Variants in RPRD2 observed in about 807,000 individuals in gnomAD.
RPRD2 encodes the protein regulation of nuclear pre-mRNA domain containing 2, also known as regulation of nuclear pre-mRNA domain-containing protein 2.
In RPRD2, 12 loss-of-function variants were observed where a neutral mutation model predicts 104.4. That is an observed-to-expected ratio of 0.11 (90% CI 0.07 to 0.19). The LOEUF (loss-of-function observed/expected upper bound fraction) is 0.19, where lower values mean the gene tolerates loss of function less well. RPRD2 is among the 10% of genes least tolerant of loss of function. The probability of loss-of-function intolerance (pLI) is 1.00; values close to 1 mark genes in which losing one functional copy is unlikely to be tolerated. For missense variants in RPRD2, 1,543 were observed against 1,790.1 expected (o/e 0.86, Z 2.49); for synonymous variants, 714 against 684.9 (o/e 1.04, Z -0.66).
At chr1:150,369,358 C>T (rs910744020) in intron 1 of RPRD2, among the ~76,000 whole-genome samples, 4 of 151,142 alleles carry the variant, frequency 2.6e-5, no homozygotes, top group African/African-American at 7.3e-5. Flanking sequence ...TCTCCGCTCA[C>T]TGCAACCTCC....
chr1:150,423,012 G>A (rs1553890004), intron 2 of RPRD2, among the ~76,000 whole-genome samples: 2 of 152,108 alleles, frequency 1.3e-5, no homozygotes, highest in Non-Finnish European at 2.9e-5. Flanking sequence ...TCCATGGGCT[G>A]GAAACCTGGA....
At chr1:150,441,225 G>T in intron 3 of RPRD2, 1 of 447,474 alleles carries the variant, frequency 2.2e-6, no homozygotes, top group South Asian at 3.8e-5. Context: ...GATGGGGTCG[G>T]ATTTTGTTTT....
In RPRD2 at chr1:150,364,561, C is replaced by G; in HGVS notation, c.-154C>G. The G allele has an allele frequency of 1.7e-6, 1 of 588,938 alleles. No homozygotes were observed. The highest frequency in any genetic ancestry group is 1.9e-5 in the African/African-American group (1 of 53,100). The allele number at this position is 588,938 out of a possible 1,614,324, so 36.5% of individuals were successfully genotyped here. ...CAGCAGCTGGTGTTCCCGTCCGTAC[C>G]TCCAGAAGAGCCCAGCGCGTGCACC... On this transcript the variant is annotated 5_prime_UTR_variant, in exon 1 of 11. Transcript: ENST00000369068.
chr1:150,447,542 C>G (rs1553895794), intron 7 of RPRD2, among the ~76,000 whole-genome samples: 1 of 151,606 alleles, frequency 6.6e-6, no homozygotes, highest in Non-Finnish European at 1.5e-5. Context: ...CCATGTTGGT[C>G]AGGCTGGTCT....
chr1:150,423,980 C>T (rs1223614132), intron 2 of RPRD2, among the ~76,000 whole-genome samples: 1 of 151,888 alleles, frequency 6.6e-6, no homozygotes, highest in East Asian at 2.0e-4. Context: ...TCAGTAGAGA[C>T]GGGGTTTCTC....
At chr1:150,414,063 C>A (rs1455767788) in intron 1 of RPRD2, among the ~76,000 whole-genome samples, 1 of 151,976 alleles carries the variant, frequency 6.6e-6, no homozygotes, top group African/African-American at 2.4e-5. Context: ...TGCATTCCAG[C>A]CTGGGTGACA....
intron 1 of RPRD2, among the ~76,000 whole-genome samples, chr1:150,406,666 T>C (rs940065174): frequency 2.0e-5 from 3 of 152,208 alleles, no homozygotes; most frequent in Non-Finnish European, 4.4e-5. Flanking sequence ...CCAAAAGTGC[T>C]GGTATTACAG....
At chr1:150,426,816 C>T (rs750983049) in intron 2 of RPRD2, among the ~76,000 whole-genome samples, 7 of 152,074 alleles carry the variant, frequency 4.6e-5, no homozygotes, top group East Asian at 1.9e-4. Context: ...TTGCACAATA[C>T]GAATGTACTT....
In RPRD2 at chr1:150,457,190, C is replaced by T. The variant is rs918843762; in HGVS notation, c.871-98C>T. On this transcript the variant is annotated intron_variant, in intron 7 of 10. Coordinates refer to ENST00000369068, the MANE Select transcript of RPRD2 (RefSeq NM_015203.5). The stretch of plus-strand genomic sequence containing the variant: ...AGTGAACCAAGATTGTGCCACTACA[C>T]TCTAGCCTGGGTGACAAAGTGAGAC... The T allele has an allele frequency of 1.5e-5, 18 of 1,197,502 alleles. No homozygotes were observed. In the Admixed American group the frequency reaches 2.8e-4, roughly 19 times the overall value. 74.2% of individuals were successfully genotyped at this position (1,197,502 alleles called of 1,614,324 possible).
intron 1 of RPRD2, among the ~76,000 whole-genome samples, chr1:150,393,454 C>CAAAAAAA (rs1203478537): frequency 5.0e-5 from 3 of 59,536 alleles, no homozygotes; most frequent in South Asian, 6.6e-4. Flanking sequence ...GACCCTGTCT[C>CAAAAAAA]AAAAAAAAAA....
At chr1:150,369,984 G>A (rs781998474) in intron 1 of RPRD2, among the ~76,000 whole-genome samples, 2 of 150,634 alleles carry the variant, frequency 1.3e-5, no homozygotes, top group Non-Finnish European at 1.5e-5. Flanking sequence ...GTTTCACCAT[G>A]TTGGCCAGAC....
chr1:150,448,219 G>A (rs932789727), intron 7 of RPRD2, among the ~76,000 whole-genome samples: 3 of 152,074 alleles, frequency 2.0e-5, no homozygotes, highest in African/African-American at 7.2e-5. Context: ...CCAGGCTGGA[G>A]TGCAGTGGCG....
Position 150,436,105 on chromosome 1 carries a change from A to T in RPRD2, c.336-4818A>T, listed in dbSNP as rs76731114. Among the ~76,000 whole-genome samples the T allele has an allele frequency of 8.7e-4, 132 of 151,832 alleles. 5 individuals carry two copies. In the East Asian group the frequency reaches 0.024, roughly 27 times the overall value. ...TGGTTTGCTGAATATTTCAAGCCCA[A>T]TGTTGAGACCTGCTCTTGTTCAGGG... is the stretch of plus-strand genomic sequence containing the variant. On this transcript the variant is annotated intron_variant, in intron 2 of 10. Transcript: ENST00000369068.
At chr1:150,411,710 G>C (rs1553887663) in intron 1 of RPRD2, among the ~76,000 whole-genome samples, 1 of 121,780 alleles carries the variant, frequency 8.2e-6, no homozygotes, top group Non-Finnish European at 1.6e-5. Flanking sequence ...AGAATTGCTT[G>C]AACCTGGGAG....
intron 1 of RPRD2, chr1:150,409,074 T>G (rs1553887193): frequency 6.6e-6 from 1 of 152,204 alleles, no homozygotes; most frequent in Non-Finnish European, 1.5e-5. Context: ...AAGTTAAAAA[T>G]TATCTAACCC....
At chr1:150,379,128 C>A (rs939911324) in intron 1 of RPRD2, among the ~76,000 whole-genome samples, 1 of 139,666 alleles carries the variant, frequency 7.2e-6, no homozygotes, top group Non-Finnish European at 1.6e-5. Context: ...TAAAAAAAAA[C>A]AAAAATTAGA....
intron 2 of RPRD2, among the ~76,000 whole-genome samples, chr1:150,436,417 C>T (rs1665994128): frequency 6.6e-6 from 1 of 151,064 alleles, no homozygotes; most frequent in Non-Finnish European, 1.5e-5. Flanking sequence ...CTGGCTAACA[C>T]CGTGAAACCC....
chr1:150,428,045 G>T (rs1300267277), intron 2 of RPRD2, among the ~76,000 whole-genome samples: 1 of 152,046 alleles, frequency 6.6e-6, no homozygotes, highest in Non-Finnish European at 1.5e-5. Flanking sequence ...TTAAACTTCT[G>T]CATTACAAAA....
chr1:150,404,781 T>A lies in RPRD2; in HGVS notation c.206-12815T>A, dbSNP rs146373096. 2.0e-3 allele frequency among the ~76,000 whole-genome samples: 312 copies of A among 152,268 alleles called. 2 individuals carry two copies. The highest frequency in any genetic ancestry group is 6.8e-3 in the African/African-American group (283 of 41,558). On this transcript the variant is annotated intron_variant, in intron 1 of 10. Coordinates refer to ENST00000369068, the MANE Select transcript of RPRD2 (RefSeq NM_015203.5). ...CACTGTGCCCGGCCTCGTCACATAT[T>A]TTTTAAAAATCTGTATAACTTACAT... is the stretch of plus-strand genomic sequence containing the variant.
Sources: allele counts gnomAD v4.1 joint callset (sites outside exome capture counted in the v4.1 genomes callset), GRCh38; gene constraint gnomAD v4.1.1; transcripts MANE v1.5; gene names NCBI Gene and HGNC (gene_info 2026-07-23, HGNC 2026-07-21).